The following DTD1 variants were observed in gnomAD, a reference collection of about 807,000 sequenced individuals.
DTD1 encodes the protein D-tyrosyl-tRNA deacylase 1 homolog.
In DTD1, 13 loss-of-function variants were observed where a neutral mutation model predicts 25.6. The ratio of observed to expected loss-of-function variants is 0.51; its 90% CI spans 0.33 to 0.81. DTD1 has a LOEUF of 0.81. Ranked by LOEUF, DTD1 falls within the 30% of genes least tolerant of loss-of-function variation. The pLI is 0.02. For synonymous variants in DTD1, 110 were observed against 103.6 expected (o/e 1.06, Z -0.37); for missense variants, 193 against 266.4 (o/e 0.72, Z 1.92).
chr20:18,634,892 A>C (rs559503891), intron 4 of DTD1, among the ~76,000 whole-genome samples: 2 of 152,162 alleles, frequency 1.3e-5, no homozygotes, highest in South Asian at 2.1e-4. Context: ...CACAGAGGGG[A>C]GCTCTCACTT....
At chr20:18,629,924 A>C (rs923253658) in intron 4 of DTD1, among the ~76,000 whole-genome samples, 1 of 152,070 alleles carries the variant, frequency 6.6e-6, no homozygotes, top group Non-Finnish European at 1.5e-5. Context: ...GCAAGGGGGA[A>C]GTCTACCCCC....
At chr20:18,756,046 T>A (rs1389109675) in intron 5 of DTD1, among the ~76,000 whole-genome samples, 1 of 151,744 alleles carries the variant, frequency 6.6e-6, no homozygotes, top group Non-Finnish European at 1.5e-5. Context: ...TTTTCATGTG[T>A]CTTTTGGCTG....
intron 4 of DTD1, among the ~76,000 whole-genome samples, chr20:18,634,605 A>G (rs1391672090): frequency 6.6e-6 from 1 of 152,200 alleles, no homozygotes; most frequent in Non-Finnish European, 1.5e-5. Context: ...TGCTCTGTCC[A>G]TAATTTTCTC....
chr20:18,716,957 G>A (rs2061183570), intron 4 of DTD1, among the ~76,000 whole-genome samples: 1 of 152,092 alleles, frequency 6.6e-6, no homozygotes, highest in Non-Finnish European at 1.5e-5. Flanking sequence ...GGGGACGGCA[G>A]CTGCAGGCCT....
intron 4 of DTD1, among the ~76,000 whole-genome samples, chr20:18,722,139 G>C (rs901438557): frequency 1.3e-5 from 2 of 152,220 alleles, no homozygotes; most frequent in Non-Finnish European, 2.9e-5. Flanking sequence ...TGCTGTCCAA[G>C]TTCAGACCTC....
chr20:18,632,049 G>T, intron 4 of DTD1: 2 of 854,074 alleles, frequency 2.3e-6, no homozygotes, highest in Non-Finnish European at 2.8e-6. Flanking sequence ...ACAGAATAAA[G>T]GACGGTAACT....
intron 4 of DTD1, among the ~76,000 whole-genome samples, chr20:18,709,713 A>G (rs1257849059): frequency 1.3e-5 from 2 of 152,188 alleles, no homozygotes; most frequent in East Asian, 1.9e-4. Flanking sequence ...GATGCAATTT[A>G]TAATACCCAG....
chr20:18,721,674 G>A (rs866841404), intron 4 of DTD1, among the ~76,000 whole-genome samples: 15 of 152,248 alleles, frequency 9.9e-5, no homozygotes, highest in East Asian at 1.9e-4. Context: ...CTGTAAAACC[G>A]TCTGGGCCTG....
At chr20:18,692,344 G>A (rs947223709) in intron 4 of DTD1, among the ~76,000 whole-genome samples, 3 of 152,190 alleles carry the variant, frequency 2.0e-5, no homozygotes, top group South Asian at 2.1e-4. Flanking sequence ...TCTCTGGAAC[G>A]TAGCATCTCC....
At chr20:18,611,680 A>G (rs991638167) in intron 3 of DTD1, among the ~76,000 whole-genome samples, 1 of 151,896 alleles carries the variant, frequency 6.6e-6, no homozygotes, top group Non-Finnish European at 1.5e-5. Flanking sequence ...CTCTTCCCAC[A>G]TGGTCCCTGC....
At chr20:18,698,289 C>T (rs1372378989) in intron 4 of DTD1, among the ~76,000 whole-genome samples, 2 of 152,144 alleles carry the variant, frequency 1.3e-5, no homozygotes, top group African/African-American at 2.4e-5. Context: ...CTGTCGAACC[C>T]CTATGTGTCC....
At chr20:18,631,271 T>G in intron 4 of DTD1, 1 of 985,082 alleles carries the variant, frequency 1.0e-6, no homozygotes, top group Non-Finnish European at 1.2e-6. Flanking sequence ...GTGGGGCCCC[T>G]TGTTCAAAAA....
intron 3 of DTD1, among the ~76,000 whole-genome samples, chr20:18,615,735 C>G (rs1004865338): frequency 6.6e-6 from 1 of 152,106 alleles, no homozygotes; most frequent in South Asian, 2.1e-4. Context: ...CCTGTATATT[C>G]TCTGCTGGGT....
intron 4 of DTD1, among the ~76,000 whole-genome samples, chr20:18,743,859 A>G (rs2061289137): frequency 6.6e-6 from 1 of 152,122 alleles, no homozygotes; most frequent in Non-Finnish European, 1.5e-5. Flanking sequence ...GCCAAGTTGA[A>G]TTATGGTTGG....
intron 3 of DTD1, chr20:18,620,166 A>C (rs1434238977): frequency 6.6e-6 from 1 of 152,118 alleles, no homozygotes; most frequent in Non-Finnish European, 1.5e-5. Context: ...AGCTCTTCTT[A>C]AATGTTTATT....
chr20:18,681,916 C>T (rs1008964388), intron 4 of DTD1, among the ~76,000 whole-genome samples: 3 of 152,176 alleles, frequency 2.0e-5, no homozygotes, highest in East Asian at 3.9e-4. Context: ...CAAAAGTTAA[C>T]GATTTAAACC....
chr20:18,649,580 G>C (rs968523068), intron 4 of DTD1, among the ~76,000 whole-genome samples: 1 of 151,798 alleles, frequency 6.6e-6, no homozygotes, highest in African/African-American at 2.4e-5. Context: ...CTCGTGATCC[G>C]CCCGCCTTGG....
At chr20:18,730,862 T>C (rs1277116315) in intron 4 of DTD1, among the ~76,000 whole-genome samples, 1 of 152,246 alleles carries the variant, frequency 6.6e-6, no homozygotes, top group Non-Finnish European at 1.5e-5. Context: ...AATGTCTTGG[T>C]TGACATAGAA....
intron 4 of DTD1, among the ~76,000 whole-genome samples, chr20:18,700,253 C>G (rs2061098495): frequency 6.6e-6 from 1 of 152,224 alleles, no homozygotes; most frequent in Non-Finnish European, 1.5e-5. Context: ...TCAGGTTTCT[C>G]TGCTGGAAAG....
Sources: gnomAD v4.1 joint callset for allele counts (sites outside exome capture counted in the v4.1 genomes callset) on GRCh38, gnomAD v4.1.1 for gene constraint, MANE v1.5 for transcripts, NCBI Gene and HGNC (gene_info 2026-07-23, HGNC 2026-07-21) for gene names.